Variants in MACROD2 observed in about 807,000 individuals in gnomAD.
The protein encoded by MACROD2 is mono-ADP ribosylhydrolase 2.
A neutral mutation model predicts 70.4 loss-of-function variants in MACROD2; 36 were observed. That is an observed-to-expected ratio of 0.51 (90% CI 0.39 to 0.68). The LOEUF (loss-of-function observed/expected upper bound fraction) is 0.68, where lower values mean the gene tolerates loss of function less well. Among genes scored for constraint, MACROD2 ranks in the 30% least tolerant of loss-of-function variants. MACROD2 has a pLI of 0.00. For missense variants in MACROD2, 496 were observed against 538.4 expected (o/e 0.92, Z 0.78); for synonymous variants, 172 against 178.8 (o/e 0.96, Z 0.30).
At chr20:14,792,073 G>GT (rs1568798362) in intron 5 of MACROD2, among the ~76,000 whole-genome samples, 1 of 151,658 alleles carries the variant, frequency 6.6e-6, no homozygotes, top group Non-Finnish European at 1.5e-5. Context: ...ACACTTGAGG[G>GT]TTTTTTTAAT....
chr20:15,582,095 C>T (rs2048532811), intron 8 of MACROD2, among the ~76,000 whole-genome samples: 1 of 151,080 alleles, frequency 6.6e-6, no homozygotes, highest in African/African-American at 2.4e-5. Context: ...GCACTCCAGC[C>T]TGGGCGACAG....
chr20:15,816,980 C>CAA (rs199649863), intron 8 of MACROD2, among the ~76,000 whole-genome samples: 1 of 150,158 alleles, frequency 6.7e-6, no homozygotes, highest in Non-Finnish European at 1.5e-5. Flanking sequence ...TGTCCACGCA[C>CAA]AAAAAAAAAC....
chr20:15,748,334 A>G (rs552044724), intron 8 of MACROD2, among the ~76,000 whole-genome samples: 1 of 151,854 alleles, frequency 6.6e-6, no homozygotes, highest in Admixed American at 6.6e-5. Context: ...ACAATCGCTC[A>G]AGAAATTTTC....
chr20:14,108,332 A>G (rs1230825924), intron 3 of MACROD2, among the ~76,000 whole-genome samples: 1 of 152,110 alleles, frequency 6.6e-6, no homozygotes, highest in Non-Finnish European at 1.5e-5. Context: ...GGAAGACAGG[A>G]AGGGAAGAAA....
intron 2 of MACROD2, among the ~76,000 whole-genome samples, chr20:14,023,766 T>G (rs1179849432): frequency 6.6e-6 from 1 of 152,202 alleles, no homozygotes; most frequent in African/African-American, 2.4e-5. Context: ...TATATATCTG[T>G]TTTAGCACCA....
chr20:14,573,559 G>T (rs1980362038), intron 4 of MACROD2, among the ~76,000 whole-genome samples: 1 of 143,826 alleles, frequency 7.0e-6, no homozygotes, highest in South Asian at 2.4e-4. Flanking sequence ...GTAGGATTAG[G>T]CCTTAGAGAA....
intron 10 of MACROD2, among the ~76,000 whole-genome samples, chr20:15,902,250 C>T (rs577533456): frequency 2.6e-5 from 4 of 152,008 alleles, no homozygotes; most frequent in Admixed American, 6.6e-5. Flanking sequence ...TACCATTTGA[C>T]GGTGTAGGTA....
At chr20:15,950,694 C>G (rs1176195512) in intron 12 of MACROD2, among the ~76,000 whole-genome samples, 1 of 152,052 alleles carries the variant, frequency 6.6e-6, no homozygotes, top group Non-Finnish European at 1.5e-5. Context: ...CTCAGATATT[C>G]CCATGTTTAA....
Position 15,531,000 on chromosome 20 carries a change from C to CTTTT in MACROD2, c.645+31165_645+31168dup, listed in dbSNP as rs10676355. ...ATTTAAGTTGAAAAAAATAACTTCG[C>CTTTT]TTTTTTTTTTTTTTTACAAATTGCT... On this transcript the variant is annotated intron_variant, in intron 8 of 17. Coordinates refer to ENST00000684519, the MANE Select transcript of MACROD2 (RefSeq NM_001351661.2). Among the ~76,000 whole-genome samples the CTTTT allele has an allele frequency of 1.8e-4, 24 of 134,616 alleles. 1 individual carries two copies. Among genetic ancestry groups the CTTTT allele is most frequent in the East Asian group, 6.5e-4 (3 of 4,632 alleles). The allele number at this position is 134,616 out of a possible 152,430, so 88.3% of individuals were successfully genotyped here. A position where few individuals can be genotyped will look rare whatever the true frequency, so the allele number is the denominator to read the frequency against.
At chr20:15,990,765 C>T (rs554926709) in intron 15 of MACROD2, among the ~76,000 whole-genome samples, 4 of 152,188 alleles carry the variant, frequency 2.6e-5, no homozygotes, top group Non-Finnish European at 4.4e-5. Context: ...AGTGTACAGA[C>T]AGCCATGGCT....
intron 5 of MACROD2, among the ~76,000 whole-genome samples, chr20:15,140,198 C>T (rs938947911): frequency 2.0e-5 from 3 of 152,150 alleles, no homozygotes; most frequent in African/African-American, 4.8e-5. Context: ...AGGGTTATGA[C>T]TTGTCCTGAC....
chr20:15,165,199 T>C (rs961978046), intron 5 of MACROD2, among the ~76,000 whole-genome samples: 7 of 152,252 alleles, frequency 4.6e-5, no homozygotes, highest in African/African-American at 1.7e-4. Flanking sequence ...CTTACGCCTG[T>C]AATCCCAGAA....
chr20:14,693,541 C>A (rs952249445), intron 5 of MACROD2, among the ~76,000 whole-genome samples: 3 of 152,120 alleles, frequency 2.0e-5, no homozygotes, highest in Non-Finnish European at 2.9e-5. Context: ...AAAAAGTAGT[C>A]CACAGTGAAC....
intron 5 of MACROD2, among the ~76,000 whole-genome samples, chr20:14,720,992 A>G (rs1039072658): frequency 6.6e-6 from 1 of 151,948 alleles, no homozygotes; most frequent in African/African-American, 2.4e-5. Flanking sequence ...TGGTGGCTCA[A>G]GCCTGTAATC....
At chr20:15,811,338 T>C (rs1418663220) in intron 8 of MACROD2, among the ~76,000 whole-genome samples, 1 of 151,334 alleles carries the variant, frequency 6.6e-6, no homozygotes, top group African/African-American at 2.4e-5. Context: ...CATGAAAAAA[T>C]GCTCATCATC....
At chr20:14,668,028 G>A (rs954712301) in intron 4 of MACROD2, among the ~76,000 whole-genome samples, 1 of 151,958 alleles carries the variant, frequency 6.6e-6, no homozygotes, top group African/African-American at 2.4e-5. Context: ...CCCTCCTATA[G>A]TCCTAGCTAC....
chr20:14,969,149 C>T (rs2074666446), intron 5 of MACROD2, among the ~76,000 whole-genome samples: 1 of 149,920 alleles, frequency 6.7e-6, no homozygotes, highest in Non-Finnish European at 1.5e-5. Flanking sequence ...AATTATAGCA[C>T]CTATCTCCAG....
At chr20:15,441,125 G>A (rs111687649) in intron 7 of MACROD2, among the ~76,000 whole-genome samples, 3 of 152,050 alleles carry the variant, frequency 2.0e-5, no homozygotes, top group Non-Finnish European at 4.4e-5. Flanking sequence ...CAAAATTCTG[G>A]CTATTCAATT....
chr20:14,040,652 C>T (rs1001689647), intron 2 of MACROD2, among the ~76,000 whole-genome samples: 1 of 152,122 alleles, frequency 6.6e-6, no homozygotes, highest in Non-Finnish European at 1.5e-5. Flanking sequence ...AATGTGAAGT[C>T]CTGGGACATT....
Sources: allele counts gnomAD v4.1 joint callset (sites outside exome capture counted in the v4.1 genomes callset), GRCh38; gene constraint gnomAD v4.1.1; transcripts MANE v1.5; gene names NCBI Gene and HGNC (gene_info 2026-07-23, HGNC 2026-07-21).